The following COL5A2 variants were observed in gnomAD, a reference collection of about 807,000 sequenced individuals.
COL5A2 encodes the protein collagen alpha-2(V) chain.
COL5A2 carries 23 observed loss-of-function variants against 208.2 expected under a neutral mutation model. The observed-to-expected ratio is 0.11, with a 90% CI of 0.08 to 0.16. COL5A2 has a LOEUF of 0.16. Ranked by LOEUF, COL5A2 falls within the 10% of genes least tolerant of loss-of-function variation. COL5A2 has a pLI of 1.00. For missense variants in COL5A2, 1,590 were observed against 1,956.4 expected (o/e 0.81, Z 3.53); for synonymous variants, 625 against 628.5 (o/e 0.99, Z 0.08).
At chr2:189,146,076 A>C (rs1289862024) in intron 1 of COL5A2, among the ~76,000 whole-genome samples, 1 of 152,162 alleles carries the variant, frequency 6.6e-6, no homozygotes, top group Non-Finnish European at 1.5e-5. Flanking sequence ...TGATATCTTC[A>C]TACATTGATC....
In COL5A2 at chr2:189,110,283, G is replaced by C; in HGVS notation, c.264C>G (p.Pro88=). 6.2e-7 allele frequency: 1 copy of C among 1,614,084 alleles called. No homozygotes were observed. The highest frequency in any genetic ancestry group is 8.5e-7 in the Non-Finnish European group (1 of 1,180,014). ...DVLDCADPVT[P]PGECCPVCSQ... The stretch of plus-strand genomic sequence containing the variant: ...AACAGACAGGACAGCATTCCCCAGG[G>C]GGCGTTACAGGGTCGGCACAGTCCA... Residue 88 remains proline, a synonymous_variant, in exon 2 of 54, where the codon CCC becomes CCG. Transcript: ENST00000374866.
intron 2 of COL5A2, among the ~76,000 whole-genome samples, chr2:189,106,099 C>T (rs1687143676): frequency 6.6e-6 from 1 of 151,340 alleles, no homozygotes; most frequent in Non-Finnish European, 1.5e-5. Flanking sequence ...CCTGATTATT[C>T]TTTCTTGTGT....
chr2:189,039,552 A>T lies in COL5A2; in HGVS notation c.3645T>A (p.Gly1215=). 1.9e-6 allele frequency: 3 copies of T among 1,613,622 alleles called. No homozygotes were observed. The highest frequency in any genetic ancestry group is 2.5e-6 in the Non-Finnish European group (3 of 1,179,970). ...VGEAGPEGPP[G]EPGPPGPPGP... ...CCGGAGGGCCAGGTGGGCCAGGCTCACCAGGAGGGCCCTAATTAAAAAGAG... is the reference window on the plus strand; with the variant it reads ...CCGGAGGGCCAGGTGGGCCAGGCTCTCCAGGAGGGCCCTAATTAAAAAGAG... The change falls in exon 51 of 54, where the codon GGT becomes GGA. Residue 1215 remains glycine, a synonymous_variant. Coordinates refer to ENST00000374866, the MANE Select transcript of COL5A2 (RefSeq NM_000393.5).
chr2:189,320,516 A>C, the COL5A2 span, among the ~76,000 whole-genome samples: 17 of 152,350 alleles, frequency 1.1e-4, no homozygotes, highest in South Asian at 3.5e-3. Context: ...CTACGTGACA[A>C]ATGCACAAGC....
Position 189,039,446 on chromosome 2 carries a change from A to T in COL5A2, c.3751T>A (p.Phe1251Ile), listed in dbSNP as rs369175026. ...TCAGGAGCCGCCTGATCTTCAGTAAACTCAGGAAGTGGATCTGGCATGCTT... is the reference window on the plus strand; with the variant it reads ...TCAGGAGCCGCCTGATCTTCAGTAATCTCAGGAAGTGGATCTGGCATGCTT... ...DESMPDPLPE[F>I]TEDQAAPDDK... Residue 1251 changes from phenylalanine (F) to isoleucine (I), a missense_variant, in exon 51 of 54, where the codon TTT (phenylalanine) becomes ATT (isoleucine). By Grantham distance (21) the Phe-to-Ile change is conservative. Coordinates refer to ENST00000374866, the MANE Select transcript of COL5A2 (RefSeq NM_000393.5). 6.2e-7 allele frequency: 1 copy of T among 1,613,820 alleles called. No homozygotes were observed. Among genetic ancestry groups the T allele is most frequent in the South Asian group, 1.1e-5 (1 of 91,062 alleles).
intron 23 of COL5A2, among the ~76,000 whole-genome samples, chr2:189,065,711 T>C (rs976077298): frequency 1.3e-5 from 2 of 152,220 alleles, no homozygotes; most frequent in African/African-American, 4.8e-5. Flanking sequence ...TCTCCAAAGC[T>C]CTAGATAAAT....
chr2:189,331,744 T>C, the COL5A2 span, among the ~76,000 whole-genome samples: 1 of 151,936 alleles, frequency 6.6e-6, no homozygotes, highest in Non-Finnish European at 1.5e-5. Context: ...ATTTTAAAAA[T>C]GGTGAAAAAT....
Position 189,031,972 on chromosome 2 carries a change from T to G in COL5A2, c.*2098A>C, listed in dbSNP as rs1685344042. Reference sequence around the variant, plus strand: ...CTGTTATTTCTATAGTTGGAAATTGTTAGTGTTTGTGACTTAATAGTATTA... The same window carrying G: ...CTGTTATTTCTATAGTTGGAAATTGGTAGTGTTTGTGACTTAATAGTATTA... On this transcript the variant is annotated 3_prime_UTR_variant, in exon 54 of 54. Coordinates refer to ENST00000374866, the MANE Select transcript of COL5A2 (RefSeq NM_000393.5). 1 of 152,136 alleles carries G rather than the reference T, an allele frequency of 6.6e-6. No individual in the cohort carries two copies. Among genetic ancestry groups the G allele is most frequent in the Non-Finnish European group, 1.5e-5 (1 of 68,014 alleles). 9.4% of individuals were successfully genotyped at this position (152,136 alleles called of 1,614,324 possible). A position where few individuals can be genotyped will look rare whatever the true frequency, so the allele number is the denominator to read the frequency against.
At chr2:189,433,045 C>G in the COL5A2 span, among the ~76,000 whole-genome samples, 1 of 152,160 alleles carries the variant, frequency 6.6e-6, no homozygotes, top group Non-Finnish European at 1.5e-5. Flanking sequence ...AACCGTGCAA[C>G]TACATGGAAA....
intron 10 of COL5A2, 72 bp downstream of exon 10, chr2:189,085,647 A>C: frequency 7.7e-7 from 1 of 1,298,606 alleles, no homozygotes; most frequent in Non-Finnish European, 1.1e-6. Flanking sequence ...GAAGATAAAT[A>C]ACTCAATATT....
the COL5A2 span, among the ~76,000 whole-genome samples, chr2:189,264,991 G>C: frequency 1.3e-5 from 2 of 152,162 alleles, no homozygotes; most frequent in Non-Finnish European, 2.9e-5. Flanking sequence ...GGTACTAGTT[G>C]CTTGAGCATG....
chr2:189,315,473 A>G, the COL5A2 span, among the ~76,000 whole-genome samples: 2 of 152,218 alleles, frequency 1.3e-5, no homozygotes, highest in Non-Finnish European at 2.9e-5. Context: ...CACAGCCAAC[A>G]TCACACTGAA....
At chr2:189,096,690 G>C (rs1686923752) in intron 6 of COL5A2, among the ~76,000 whole-genome samples, 1 of 151,544 alleles carries the variant, frequency 6.6e-6, no homozygotes, top group Non-Finnish European at 1.5e-5. Flanking sequence ...ATTCTGTGCA[G>C]ATAGGTAATA....
chr2:189,118,695 A>G (rs1297217614), intron 1 of COL5A2, among the ~76,000 whole-genome samples: 1 of 152,144 alleles, frequency 6.6e-6, no homozygotes, highest in African/African-American at 2.4e-5. Context: ...TCAGTTCTGG[A>G]GGCATGGGTG....
chr2:189,062,812 T>C, intron 29 of COL5A2, 53 bp downstream of exon 29: 1 of 1,602,808 alleles, frequency 6.2e-7, no homozygotes, highest in Non-Finnish European at 8.5e-7. Context: ...ATCGAAAAAA[T>C]GCAATGTGTG....
chr2:189,129,157 A>AG (rs1687663370), intron 1 of COL5A2, among the ~76,000 whole-genome samples: 1 of 152,008 alleles, frequency 6.6e-6, no homozygotes, highest in Admixed American at 6.6e-5. Context: ...ATAAAAAAAA[A>AG]AAGAAAAACA....
the COL5A2 span, among the ~76,000 whole-genome samples, chr2:189,354,878 T>A: frequency 6.6e-6 from 1 of 152,220 alleles, no homozygotes; most frequent in Non-Finnish European, 1.5e-5. Context: ...TGTTAGGGTG[T>A]CGATTTTAGA....
At chr2:189,399,812 G>C in the COL5A2 span, among the ~76,000 whole-genome samples, 8 of 152,148 alleles carry the variant, frequency 5.3e-5, no homozygotes, top group Middle Eastern at 3.4e-3. Context: ...AGAGCTTCCT[G>C]CCTCAGCCTC....
the COL5A2 span, among the ~76,000 whole-genome samples, chr2:189,429,838 T>C: frequency 1.3e-5 from 2 of 152,232 alleles, no homozygotes; most frequent in African/African-American, 4.8e-5. Context: ...TCTTGTTTGG[T>C]TGCAATTTAT....
Sources: gnomAD v4.1 joint callset for allele counts (sites outside exome capture counted in the v4.1 genomes callset) on GRCh38, gnomAD v4.1.1 for gene constraint, MANE v1.5 for transcripts, NCBI Gene and HGNC (gene_info 2026-07-23, HGNC 2026-07-21) for gene names.